The following AP1B1 variants were observed in gnomAD, a reference collection of about 807,000 sequenced individuals.
AP1B1 encodes AP-1 complex subunit beta-1.
In AP1B1, 36 loss-of-function variants were observed where a neutral mutation model predicts 104.3. The observed-to-expected ratio is 0.35, with a 90% CI of 0.26 to 0.46. The LOEUF (loss-of-function observed/expected upper bound fraction) is 0.46. Among genes scored for constraint, AP1B1 ranks in the 20% least tolerant of loss-of-function variants. The probability of loss-of-function intolerance (pLI) is 1.00; values close to 1 mark genes in which losing one functional copy is unlikely to be tolerated. For missense variants in AP1B1, 901 were observed against 1,247.9 expected, an observed-to-expected ratio of 0.72 and a Z score of 4.19; for synonymous variants, 504 against 517.5, an observed-to-expected ratio of 0.97 and a Z score of 0.35.
In AP1B1 at chr22:29,341,481, G is replaced by A. The variant is rs188876519; in HGVS notation, c.1796+20C>T. On this transcript the variant is annotated intron_variant, in intron 13 of 22. Transcript: ENST00000357586. ...GAAGCAGAGTGTGAAGGCGCAGGCC[G>A]ACTGGCCAGTCTCACTCACGAGGCC... 57 of 1,602,860 alleles carry A rather than the reference G, an allele frequency of 3.6e-5. No individual in the cohort carries two copies. The highest frequency in any genetic ancestry group is 1.3e-4 in the Admixed American group (8 of 59,776).
intron 16 of AP1B1, among the ~76,000 whole-genome samples, chr22:29,338,753 T>C (rs1365712740): frequency 1.3e-5 from 2 of 152,206 alleles, no homozygotes; most frequent in African/African-American, 4.8e-5. Flanking sequence ...TCCCTTGGTC[T>C]GGAGCCCCTA....
intron 3 of AP1B1, 102 bp downstream of exon 3, chr22:29,362,899 T>G (rs1332916154): frequency 1.5e-6 from 1 of 687,522 alleles, no homozygotes; most frequent in Admixed American, 2.3e-5. Context: ...AGGGGAGACA[T>G]GGGTCCCTAG....
intron 1 of AP1B1, among the ~76,000 whole-genome samples, chr22:29,380,492 G>A (rs1177911909): frequency 2.0e-5 from 3 of 152,150 alleles, no homozygotes; most frequent in Admixed American, 1.3e-4. Context: ...CAAACAATGG[G>A]ATAAAAACTG....
In AP1B1 at chr22:29,356,373, C is replaced by T. The variant is rs780126303; in HGVS notation, c.716+53G>A. 915 of 1,544,352 alleles carry T rather than the reference C, an allele frequency of 5.9e-4. 1 individual carries two copies. The highest frequency in any genetic ancestry group is 7.6e-4 in the Non-Finnish European group (862 of 1,138,618). On this transcript the variant is annotated intron_variant, in intron 6 of 22. Coordinates refer to ENST00000357586, the MANE Select transcript of AP1B1 (RefSeq NM_001127.4). ...AAGGCCCAGTGCCTGGTTGGAGCCC[C>T]TGAGGACCAGGGTCCTCAAGCTGGG...
At chr22:29,373,915 AG>A (rs2062287444) in intron 1 of AP1B1, among the ~76,000 whole-genome samples, 1 of 135,036 alleles carries the variant, frequency 7.4e-6, no homozygotes, top group Non-Finnish European at 1.6e-5. Context: ...AAAAAAAAAA[AG>A]GCAAGGCACG....
In AP1B1 at chr22:29,340,800, C is replaced by T. The variant is rs1329239508; in HGVS notation, c.1854G>A (p.Gln618=). ...TAPTGAPPGE[Q]PDVIPAQGDL... The stretch of plus-strand genomic sequence containing the variant: ...CGCCCTGGGCGGGGATGACATCTGG[C>T]TGCTCCCCAGGAGGTGCTCCAGTAG... Residue 618 remains glutamine (Q), a synonymous_variant, in exon 14 of 23, where the codon CAG becomes CAA. Transcript: ENST00000357586. 6.2e-7 allele frequency: 1 copy of T among 1,600,660 alleles called. No homozygotes were observed.
At chr22:29,350,993 A>G (rs1383203920) in intron 9 of AP1B1, among the ~76,000 whole-genome samples, 178 bp downstream of exon 9, 1 of 151,420 alleles carries the variant, frequency 6.6e-6, no homozygotes, top group Non-Finnish European at 1.5e-5. Flanking sequence ...AAAGGATACT[A>G]TAGAGTGAGA....
At chr22:29,366,073 C>G (rs567297846) in intron 2 of AP1B1, among the ~76,000 whole-genome samples, 1 of 152,056 alleles carries the variant, frequency 6.6e-6, no homozygotes, top group Non-Finnish European at 1.5e-5. Flanking sequence ...TTCATCTGGT[C>G]GGCAGGCATG....
chr22:29,333,300 A>C (rs1294611855), intron 17 of AP1B1: 1 of 154,646 alleles, frequency 6.5e-6, no homozygotes, highest in Non-Finnish European at 1.5e-5. Flanking sequence ...CCATGACGCA[A>C]CCTTCCCACT....
chr22:29,361,944 C>T (rs531854380), intron 3 of AP1B1, among the ~76,000 whole-genome samples: 47 of 152,248 alleles, frequency 3.1e-4, no homozygotes, highest in African/African-American at 1.1e-3. Context: ...CAGGTGCCCA[C>T]CACCACGCTT....
chr22:29,331,346 G>A (rs915364507), intron 19 of AP1B1, 103 bp downstream of exon 19: 69 of 1,147,776 alleles, frequency 6.0e-5, no homozygotes, highest in Middle Eastern at 2.0e-4. Flanking sequence ...CTCCATTTAC[G>A]GGCAAGGCAG....
intron 3 of AP1B1, among the ~76,000 whole-genome samples, chr22:29,362,552 G>C (rs910532649): frequency 6.6e-6 from 1 of 151,958 alleles, no homozygotes; most frequent in African/African-American, 2.4e-5. Flanking sequence ...TCACCATATT[G>C]GCCAGGCTGG....
chr22:29,386,745 C>G (rs2062528923), intron 1 of AP1B1, among the ~76,000 whole-genome samples: 1 of 152,188 alleles, frequency 6.6e-6, no homozygotes. Flanking sequence ...GTTCATACCC[C>G]TAGGAGCAGA....
intron 1 of AP1B1, among the ~76,000 whole-genome samples, chr22:29,374,197 G>A (rs1177937504): frequency 6.6e-6 from 1 of 151,928 alleles, no homozygotes; most frequent in Admixed American, 6.6e-5. Flanking sequence ...GCAAGACTCT[G>A]TCTAAAAAAA....
At chr22:29,330,152 C>G in intron 21 of AP1B1, 1 of 1,432,150 alleles carries the variant, frequency 7.0e-7, no homozygotes, top group Non-Finnish European at 9.1e-7. Context: ...TTTACACAAT[C>G]TTCTAGTCCA....
chr22:29,382,364 A>G (rs2062450347), intron 1 of AP1B1, among the ~76,000 whole-genome samples: 1 of 152,212 alleles, frequency 6.6e-6, no homozygotes. Context: ...TACAACCTTA[A>G]GAAGGTATTT....
Position 29,350,197 on chromosome 22 carries a change from C to G in AP1B1, c.1156-47G>C, listed in dbSNP as rs116584332. On this transcript the variant is annotated intron_variant, in intron 9 of 22. Transcript: ENST00000357586. ...TGGGCGAGGTCCCCGCACCCCATTT[C>G]CAGTAGAGCCTCTGATGTCCACGCC... 2.3e-4 allele frequency: 341 copies of G among 1,483,090 alleles called. No individual in the cohort carries two copies. The African/African-American group carries it at 4.2e-3, about 18-fold the overall frequency. 91.9% of individuals were successfully genotyped at this position (1,483,090 alleles called of 1,614,324 possible).
intron 9 of AP1B1, 71 bp downstream of exon 9, chr22:29,351,100 G>A: frequency 6.9e-7 from 1 of 1,444,474 alleles, no homozygotes; most frequent in South Asian, 1.3e-5. Flanking sequence ...GATTCTGCTT[G>A]AATCAGACTG....
At chr22:29,383,657 C>G (rs1039194678) in intron 1 of AP1B1, among the ~76,000 whole-genome samples, 3 of 145,562 alleles carry the variant, frequency 2.1e-5, no homozygotes, top group African/African-American at 7.7e-5. Flanking sequence ...TGCAGTGAGC[C>G]GAGATCACGC....
Sources: allele counts gnomAD v4.1 joint callset (sites outside exome capture counted in the v4.1 genomes callset), GRCh38; gene constraint gnomAD v4.1.1; transcripts MANE v1.5; gene names NCBI Gene and HGNC (gene_info 2026-07-23, HGNC 2026-07-21).